Variants in ADGRL2 observed in about 807,000 individuals in gnomAD.
ADGRL2 encodes the protein calcium-independent alpha-latrotoxin receptor 2.
Under a neutral mutation model 157.4 loss-of-function variants are expected in ADGRL2, and 44 were observed. That is an observed-to-expected ratio of 0.28 (90% CI 0.22 to 0.36). The LOEUF is 0.36. Among genes scored for constraint, ADGRL2 ranks in the 10% least tolerant of loss-of-function variants. The pLI, the probability that ADGRL2 is intolerant of heterozygous loss-of-function variation, is 1.00. For missense variants in ADGRL2, 1,510 were observed against 1,768.9 expected (o/e 0.85, Z 2.63); for synonymous variants, 585 against 624.7 (o/e 0.94, Z 0.95).
At chr1:81,696,778 A>C (rs2083455667), upstream of ADGRL2, among the ~76,000 whole-genome samples, 1 of 152,138 alleles carries the variant, frequency 6.6e-6, no homozygotes, top group African/African-American at 2.4e-5. Flanking sequence ...AACAAAACAA[A>C]AAATAGAGAG....
At chr1:81,633,495 C>T (rs930774910) in intron 3 of ADGRL2, among the ~76,000 whole-genome samples, 1 of 146,780 alleles carries the variant, frequency 6.8e-6, no homozygotes, top group African/African-American at 2.5e-5. Context: ...AATTGGGAGG[C>T]TGAGGCAGGA....
At chr1:81,675,609 TCTCA>T (rs1235934708) in intron 3 of ADGRL2, among the ~76,000 whole-genome samples, 2 of 150,492 alleles carry the variant, frequency 1.3e-5, no homozygotes, top group African/African-American at 4.9e-5. Flanking sequence ...TGAGACAGAG[TCTCA>T]CTCTGTCACC....
rs777505441 is a variant in ADGRL2, at chr1:81,984,654, C to A, written c.3354C>A (p.His1118Gln). ...GAGGCCTCCCAACTGAGAGTCCCCACAGTTCAGTGAAGGCATCAACCACCA... is the reference window on the plus strand; with the variant it reads ...GAGGCCTCCCAACTGAGAGTCCCCAAAGTTCAGTGAAGGCATCAACCACCA... ...CCGGLPTESP[H>Q]SSVKASTTRT... Residue 1118 changes from histidine (H) to glutamine (Q), a missense_variant, in exon 20 of 24, where the codon CAC becomes CAA. Physicochemically the swap from His to Gln is conservative, Grantham distance 24. Coordinates refer to ENST00000686636, the MANE Select transcript of ADGRL2 (RefSeq NM_001366006.2). The A allele has an allele frequency of 6.2e-7, 1 of 1,612,980 alleles. No homozygotes were observed. Among genetic ancestry groups the A allele is most frequent in the South Asian group, 1.1e-5 (1 of 91,052 alleles).
chr1:81,494,316 C>CGT (rs1164834152), intron 2 of ADGRL2, among the ~76,000 whole-genome samples: 1 of 152,064 alleles, frequency 6.6e-6, no homozygotes. Context: ...GGTCTATACT[C>CGT]GTCATTTTAA....
chr1:81,422,124 A>G (rs1237425200), intron 1 of ADGRL2, among the ~76,000 whole-genome samples: 2 of 152,186 alleles, frequency 1.3e-5, no homozygotes, highest in Non-Finnish European at 2.9e-5. Flanking sequence ...CTAACATCCT[A>G]CTTATTAGAA....
At position 81,802,455 on chromosome 1, in the gene ADGRL2, C is replaced by G. The variant is rs533351050; in HGVS notation, c.-101+1387C>G. ...AAATCGATCCGCAGAACTCTCAGTC[C>G]GGTCCAGCCGGCTTCTCCTTTTCTC... On this transcript the variant is annotated intron_variant, in intron 1 of 23. Coordinates refer to ENST00000686636, the MANE Select transcript of ADGRL2 (RefSeq NM_001366006.2). Among the ~76,000 whole-genome samples the G allele has an allele frequency of 4.6e-5, 7 of 152,072 alleles. No individual in the cohort carries two copies. In the East Asian group the frequency reaches 7.8e-4, roughly 17 times the overall value.
intron 3 of ADGRL2, among the ~76,000 whole-genome samples, chr1:81,644,048 A>G (rs1570718704): frequency 6.6e-6 from 1 of 152,324 alleles, no homozygotes; most frequent in East Asian, 1.9e-4. Context: ...TCAAAGAAAC[A>G]GAATAGAGCC....
intron 2 of ADGRL2, among the ~76,000 whole-genome samples, chr1:81,870,927 ATT>A (rs58739101): frequency 7.1e-6 from 1 of 141,640 alleles, no homozygotes; most frequent in East Asian, 2.1e-4. Context: ...TTTTTTGAAG[ATT>A]TTTTTTTTCT....
intron 2 of ADGRL2, among the ~76,000 whole-genome samples, chr1:81,544,037 C>T (rs996973304): frequency 2.6e-5 from 4 of 152,080 alleles, no homozygotes; most frequent in South Asian, 2.1e-4. Flanking sequence ...CAGTGGGACC[C>T]GCTCTCACCA....
chr1:81,767,728 C>T (rs907265965), intron 2 of ADGRL2, among the ~76,000 whole-genome samples: 1 of 151,420 alleles, frequency 6.6e-6, no homozygotes, highest in Admixed American at 6.6e-5. Flanking sequence ...AAAAATATGC[C>T]AGGCATGGTG....
Position 81,793,043 on chromosome 1 carries a change from T to C in ADGRL2, c.-101+31191T>C, listed in dbSNP as rs1023437717. ...TTTGCTCTAGAAAATGATGGTGAAC[T>C]AGTATTTATATAACAAGACCTTACG... is the stretch of plus-strand genomic sequence containing the variant. On this transcript the variant is annotated intron_variant, in intron 2 of 20. Transcript: ENST00000359929. 2.6e-5 allele frequency among the ~76,000 whole-genome samples: 4 copies of C among 152,234 alleles called. No individual in the cohort carries two copies. The South Asian group carries it at 8.3e-4, about 32-fold the overall frequency.
chr1:81,661,100 CT>C (rs2082641092), intron 3 of ADGRL2, among the ~76,000 whole-genome samples: 1 of 152,164 alleles, frequency 6.6e-6, no homozygotes, highest in African/African-American at 2.4e-5. Flanking sequence ...ACCAGCTCCT[CT>C]TTTACTTTCT....
At chr1:81,531,079 GT>G (rs1277342070) in intron 2 of ADGRL2, among the ~76,000 whole-genome samples, 8 of 112,740 alleles carry the variant, frequency 7.1e-5, no homozygotes, top group African/African-American at 2.3e-4. Flanking sequence ...GCAAGACTCT[GT>G]TTCAAAAAAA....
Position 81,950,608 on chromosome 1 carries a change from A to G in ADGRL2, c.1504+126A>G, listed in dbSNP as rs1381903201. On this transcript the variant is annotated intron_variant, in intron 7 of 23. Transcript: ENST00000686636. ...GCTAACTTTATTTTTGTACTTTGGT[A>G]ATATAACATCTATGGACAAAGTTTT... The G allele has an allele frequency of 5.5e-6, 5 of 903,864 alleles. No individual in the cohort carries two copies. In the East Asian group the frequency reaches 1.1e-4, roughly 19 times the overall value. 56.0% of individuals were successfully genotyped at this position (903,864 alleles called of 1,614,324 possible).
intron 3 of ADGRL2, among the ~76,000 whole-genome samples, chr1:81,687,662 A>G (rs2083256843): frequency 6.6e-6 from 1 of 152,100 alleles, no homozygotes; most frequent in Non-Finnish European, 1.5e-5. Context: ...AATGTGAGGT[A>G]TTGTTACATT....
intron 1 of ADGRL2, among the ~76,000 whole-genome samples, chr1:81,713,083 T>G (rs1353004299): frequency 6.6e-6 from 1 of 152,006 alleles, no homozygotes; most frequent in African/African-American, 2.4e-5. Flanking sequence ...ATAATATTTT[T>G]TAAATTAAAA....
rs72940955 is a variant in ADGRL2 at position 81,446,794 on chromosome 1, T to C, written c.-248+1705T>C. On this transcript the variant is annotated intron_variant, in intron 2 of 24. Coordinates refer to the ADGRL2 transcript ENST00000370721. Reference sequence around the variant, plus strand: ...TATATCACTCTTCTATTTCCAAAGGTAATATTAAAGATGAAAATATGTGAA... The same window carrying C: ...TATATCACTCTTCTATTTCCAAAGGCAATATTAAAGATGAAAATATGTGAA... Among the ~76,000 whole-genome samples, 1,276 of 152,264 alleles carry C rather than the reference T, an allele frequency of 8.4e-3. 19 individuals are homozygous for C. The highest frequency in any genetic ancestry group is 0.029 in the African/African-American group (1,214 of 41,544).
chr1:81,583,105 T>G (rs2080950895), intron 3 of ADGRL2, among the ~76,000 whole-genome samples: 1 of 152,194 alleles, frequency 6.6e-6, no homozygotes, highest in African/African-American at 2.4e-5. Context: ...AAGAAAAAAC[T>G]ATTGATTCAG....
At chr1:81,438,551 C>A (rs2077451584) in intron 1 of ADGRL2, among the ~76,000 whole-genome samples, 1 of 152,046 alleles carries the variant, frequency 6.6e-6, no homozygotes, top group African/African-American at 2.4e-5. Context: ...TGGTGAATAT[C>A]AGTAAATAAT....
Sources: gnomAD v4.1 joint callset for allele counts (sites outside exome capture counted in the v4.1 genomes callset) on GRCh38, gnomAD v4.1.1 for gene constraint, MANE v1.5 for transcripts, NCBI Gene and HGNC (gene_info 2026-07-23, HGNC 2026-07-21) for gene names.